ZNF786: variants seen among roughly 807,000 people sequenced by gnomAD.
ZNF786 encodes zinc finger protein 786.
Under a neutral mutation model 63.1 loss-of-function variants are expected in ZNF786, and 56 were observed. The ratio of observed to expected loss-of-function variants is 0.89; its 90% CI spans 0.72 to 1.11. The LOEUF is 1.11. Ranked by LOEUF, ZNF786 falls within the 50% of genes least tolerant of loss-of-function variation. The probability of loss-of-function intolerance (pLI) is 0.00; values close to 1 mark genes in which losing one functional copy is unlikely to be tolerated. For missense variants in ZNF786, 1,213 were observed against 1,041.8 expected (o/e 1.16, Z -2.26); for synonymous variants, 485 against 406.9 (o/e 1.19, Z -2.31).
In ZNF786 at chr7:149,071,660, C is replaced by A; in HGVS notation, c.1112G>T (p.Cys371Phe). ...LQHGAEGPCS[C>F]SECGERSPMS... Reference sequence around the variant, plus strand: ...AGGGGAGCGCTCGCCACACTCCGAGCAGGAGCAGGGCCCCTCTGCGCCATG... The same window carrying A: ...AGGGGAGCGCTCGCCACACTCCGAGAAGGAGCAGGGCCCCTCTGCGCCATG... The change falls in exon 4 of 4, where the codon TGC (cysteine) becomes TTC (phenylalanine). Residue 371 changes from cysteine (C) to phenylalanine (F), a missense_variant. Transcript: ENST00000491431. 1 of 1,568,652 alleles carries A rather than the reference C, an allele frequency of 6.4e-7. No homozygotes were observed. Among genetic ancestry groups the A allele is most frequent in the Non-Finnish European group, 8.6e-7 (1 of 1,162,620 alleles).
Position 149,071,906 on chromosome 7 carries a change from G to T in ZNF786, c.866C>A (p.Pro289Gln), listed in dbSNP as rs746088089. Residue 289 changes from proline (P) to glutamine (Q), a missense_variant, in exon 4 of 4, where the codon CCG (proline) becomes CAG (glutamine). By Grantham distance (76) the Pro-to-Gln change is moderately conservative (BLOSUM62 -1). Coordinates refer to ENST00000491431, the MANE Select transcript of ZNF786 (RefSeq NM_152411.4). Reference protein sequence around the residue: ...HELTHPSHRLPQQGEKPAQCT... With the variant: ...HELTHPSHRLQQQGEKPAQCT... ...CTGGGCAGGCTTCTCCCCCTGCTGC[G>T]GGAGGCGGTGGCTGGGATGGGTCAG... The T allele has an allele frequency of 6.2e-7, 1 of 1,604,872 alleles. No homozygotes were observed. The highest frequency in any genetic ancestry group is 8.5e-7 in the Non-Finnish European group (1 of 1,176,658).
Position 149,071,809 on chromosome 7 carries a change from C to T in ZNF786, c.963G>A (p.Glu321=). 4 of 1,587,154 alleles carry T rather than the reference C, an allele frequency of 2.5e-6. No individual in the cohort carries two copies. Among genetic ancestry groups the T allele is most frequent in the African/African-American group, 1.3e-5 (1 of 74,794 alleles). ...GGCCTTCTCTCCAAGAGGCCGGCCC[C>T]TCCCGGCTGTGCTGGCACCGGCGAG... is the stretch of plus-strand genomic sequence containing the variant. ...TQARRCQHSR[E]GPASWREGRG... The change falls in exon 4 of 4, where the codon GAG becomes GAA. Residue 321 remains glutamate, a synonymous_variant. Coordinates refer to ENST00000491431, the MANE Select transcript of ZNF786 (RefSeq NM_152411.4).
chr7:149,080,512 GAA>G, intron 2 of ZNF786, 77 bp downstream of exon 2: 1 of 1,389,786 alleles, frequency 7.2e-7, no homozygotes, highest in Admixed American at 3.0e-5. Context: ...TGCTACCTGA[GAA>G]ACAGGAGCAT....
intron 2 of ZNF786, among the ~76,000 whole-genome samples, chr7:149,076,735 A>C (rs1401003086): frequency 1.3e-5 from 2 of 151,704 alleles, no homozygotes; most frequent in African/African-American, 4.8e-5. Flanking sequence ...AAAAAAAAAA[A>C]AAACTACATA....
intron 3 of ZNF786, among the ~76,000 whole-genome samples, chr7:149,073,771 ATATATATATG>A (rs1198727557): frequency 0.019 from 2,145 of 112,664 alleles, 20 homozygotes; most frequent in African/African-American, 0.024. Flanking sequence ...ATATATATAT[ATATATATATG>A]TATATATATA....
chr7:149,071,762 T>C lies in ZNF786; in HGVS notation c.1010A>G (p.His337Arg). Residue 337 changes from histidine to arginine, a missense_variant, in exon 4 of 4, where the codon CAC (histidine) becomes CGC (arginine). Physicochemically the swap from His to Arg is conservative, Grantham distance 29. Transcript: ENST00000491431. ...REGRGASSSVHSGQKPGSRLP... is the reference protein window; with the variant it reads ...REGRGASSSVRSGQKPGSRLP... ...GCGCGAGCCTGGTTTCTGTCCCGAG[T>C]GCACACTGCTGGAGGCCCCGCGGCC... The C allele has an allele frequency of 1.9e-6, 3 of 1,587,220 alleles. No homozygotes were observed. Among genetic ancestry groups the C allele is most frequent in the Non-Finnish European group, 1.7e-6 (2 of 1,173,338 alleles).
At chr7:149,076,265 C>T (rs1314465847) in intron 2 of ZNF786, among the ~76,000 whole-genome samples, 1 of 151,760 alleles carries the variant, frequency 6.6e-6, no homozygotes, top group East Asian at 2.0e-4. Flanking sequence ...CAGGCATGCG[C>T]CACCATACCT....
intron 1 of ZNF786, among the ~76,000 whole-genome samples, chr7:149,085,521 T>C (rs1033390989): frequency 1.3e-5 from 2 of 152,196 alleles, no homozygotes; most frequent in Non-Finnish European, 2.9e-5. Context: ...TTCACCATAT[T>C]GGCCAGGCTG....
In ZNF786 at chr7:149,071,506, C is replaced by G. The variant is rs767873655; in HGVS notation, c.1266G>C (p.Glu422Asp). The G allele has an allele frequency of 1.2e-6, 2 of 1,613,300 alleles. No individual in the cohort carries two copies. The highest frequency in any genetic ancestry group is 3.3e-5 in the Admixed American group (2 of 60,016). Residue 422 changes from glutamate (E) to aspartate (D), a missense_variant, in exon 4 of 4, where the codon GAG becomes GAC. Transcript: ENST00000491431. The part of the protein sequence containing the change: ...LQVHQHAHGG[E>D]RPFSCRKCGK... Reference sequence around the variant, plus strand: ...CACACTTCCTGCAGGAGAACGGTCTCTCCCCACCGTGCGCGTGCTGGTGGA... The same window carrying G: ...CACACTTCCTGCAGGAGAACGGTCTGTCCCCACCGTGCGCGTGCTGGTGGA...
rs1825373638 is a variant in ZNF786 at position 149,070,200 on chromosome 7, A to C, written c.*223T>G. ...CACTCCAGCCTGGGTGACAGAGCAA[A>C]ACTCCATCTTGGAAAAAAAAAAAAA... On this transcript the variant is annotated 3_prime_UTR_variant, in exon 4 of 4. Transcript: ENST00000491431. 2.0e-6 allele frequency: 1 copy of C among 506,510 alleles called. No homozygotes were observed. The highest frequency in any genetic ancestry group is 3.3e-6 in the Non-Finnish European group (1 of 300,192). 31.4% of individuals were successfully genotyped at this position (506,510 alleles called of 1,614,324 possible).
chr7:149,077,067 G>A (rs974207430), intron 2 of ZNF786, among the ~76,000 whole-genome samples: 2 of 152,158 alleles, frequency 1.3e-5, no homozygotes, highest in African/African-American at 2.4e-5. Context: ...GACAACACAC[G>A]ATGCTATCAG....
chr7:149,073,757 A>T lies in ZNF786; in HGVS notation c.298+629T>A, dbSNP rs1236036463. 3.6e-5 allele frequency among the ~76,000 whole-genome samples: 3 copies of T among 84,018 alleles called. No homozygotes were observed. The East Asian group carries it at 1.7e-3, about 48-fold the overall frequency. The allele number at this position is 84,018 out of a possible 152,430, so 55.1% of individuals were successfully genotyped here. The stretch of plus-strand genomic sequence containing the variant: ...TGTGTGTGTGTGTGTGTATATATAT[A>T]TATATATATATATATATATATATGT... On this transcript the variant is annotated intron_variant, in intron 3 of 3. Transcript: ENST00000491431.
intron 1 of ZNF786, among the ~76,000 whole-genome samples, chr7:149,087,841 G>C (rs1409958825): frequency 1.3e-5 from 2 of 150,336 alleles, no homozygotes; most frequent in African/African-American, 2.5e-5. Flanking sequence ...CCAGGCCAGA[G>C]TGCAGTGGTG....
At chr7:149,087,729 A>G (rs904741152) in intron 1 of ZNF786, among the ~76,000 whole-genome samples, 1 of 151,838 alleles carries the variant, frequency 6.6e-6, no homozygotes, top group Admixed American at 6.6e-5. Flanking sequence ...ACCACTTCAC[A>G]ATAGCTCACA....
At chr7:149,072,851 G>A (rs145410211) in intron 3 of ZNF786, among the ~76,000 whole-genome samples, 1,643 of 152,302 alleles carry the variant, frequency 0.011, 28 homozygotes, top group African/African-American at 0.038. Flanking sequence ...ATTACTGTGA[G>A]AATTAAATGA....
Position 149,070,792 on chromosome 7 carries a change from G to A in ZNF786, c.1980C>T (p.His660=), listed in dbSNP as rs558288556. ...SCECGKGFVK[H]SKLIEHIRTH... is the part of the protein sequence containing the mutation. ...TTCTGATGTGCTCGATGAGCTTTGA[G>A]TGTTTCACAAAGCCCTTGCCGCACT... The change falls in exon 4 of 4, where the codon CAC becomes CAT. Residue 660 remains histidine, a synonymous_variant. Transcript: ENST00000491431. 1 of 1,613,622 alleles carries A rather than the reference G, an allele frequency of 6.2e-7. No homozygotes were observed. The highest frequency in any genetic ancestry group is 8.5e-7 in the Non-Finnish European group (1 of 1,179,928).
chr7:149,081,224 T>A lies in ZNF786; in HGVS notation c.19-507A>T, dbSNP rs182675758. 5.2e-3 allele frequency: 2,347 copies of A among 451,918 alleles called. 11 individuals are homozygous for A. The highest frequency in any genetic ancestry group is 8.1e-3 in the Non-Finnish European group (1,826 of 225,858). 28.0% of individuals were successfully genotyped at this position (451,918 alleles called of 1,614,324 possible). A position where few individuals can be genotyped will look rare whatever the true frequency, so the allele number is the denominator to read the frequency against. ...AGGCTGAGGCGGGCAGATCACGAGG[T>A]CAGGAGTTCGAGATCAGCCTGACCA... is the stretch of plus-strand genomic sequence containing the variant. On this transcript the variant is annotated intron_variant, in intron 1 of 3. Coordinates refer to ENST00000491431, the MANE Select transcript of ZNF786 (RefSeq NM_152411.4).
chr7:149,070,331 TA>T lies in ZNF786; in HGVS notation c.*91del. On this transcript the variant is annotated 3_prime_UTR_variant, in exon 4 of 4. Coordinates refer to ENST00000491431, the MANE Select transcript of ZNF786 (RefSeq NM_152411.4). ...TTGCTCAAAGAAGGATACCTGCTCC[TA>T]AAACCCGTCTACCAGCGGGTCTGGC... The T allele has an allele frequency of 6.6e-7, 1 of 1,520,816 alleles. No individual in the cohort carries two copies. Among genetic ancestry groups the T allele is most frequent in the Non-Finnish European group, 8.9e-7 (1 of 1,129,086 alleles). 94.2% of individuals were successfully genotyped at this position (1,520,816 alleles called of 1,614,324 possible).
At chr7:149,076,404 C>T (rs1304158400) in intron 2 of ZNF786, among the ~76,000 whole-genome samples, 4 of 148,528 alleles carry the variant, frequency 2.7e-5, no homozygotes, top group Admixed American at 2.7e-4. Flanking sequence ...CATGAGCCAC[C>T]GTGCCCGGCC....
Sources: gnomAD v4.1 joint callset for allele counts (sites outside exome capture counted in the v4.1 genomes callset) on GRCh38, gnomAD v4.1.1 for gene constraint, MANE v1.5 for transcripts, NCBI Gene and HGNC (gene_info 2026-07-23, HGNC 2026-07-21) for gene names.